ZBTB7C: variants seen among roughly 807,000 people sequenced by gnomAD.
The protein encoded by ZBTB7C is zinc finger and BTB domain containing 7C.
ZBTB7C carries 8 observed loss-of-function variants against 25.7 expected under a neutral mutation model. The ratio of observed to expected loss-of-function variants is 0.31; its 90% confidence interval spans 0.18 to 0.56. The LOEUF is 0.56. Ranked by LOEUF, ZBTB7C falls within the 20% of genes least tolerant of loss-of-function variation. The probability of loss-of-function intolerance (pLI) is 0.91; values close to 1 mark genes in which losing one functional copy is unlikely to be tolerated. For synonymous variants in ZBTB7C, 394 were observed against 369.0 expected (o/e 1.07, Z -0.78); for missense variants, 824 against 855.2 (o/e 0.96, Z 0.46).
intron 3 of ZBTB7C, among the ~76,000 whole-genome samples, chr18:48,172,222 G>A (rs1264799238): frequency 1.3e-5 from 2 of 152,210 alleles, no homozygotes; most frequent in Non-Finnish European, 2.9e-5. Context: ...GGCTAAGGAC[G>A]CATTGAGGAT....
chr18:48,205,320 A>G (rs2145220247), intron 2 of ZBTB7C, among the ~76,000 whole-genome samples: 1 of 152,200 alleles, frequency 6.6e-6, no homozygotes, highest in Middle Eastern at 3.4e-3. Flanking sequence ...ATTTTTAAAT[A>G]CAACTTACAA....
chr18:48,142,392 G>T (rs1276262066), intron 3 of ZBTB7C, among the ~76,000 whole-genome samples: 2 of 152,218 alleles, frequency 1.3e-5, no homozygotes, highest in Non-Finnish European at 2.9e-5. Context: ...CTCCGAGGGG[G>T]AGGTGTGGGC....
At chr18:48,308,639 A>G (rs934042310) in intron 2 of ZBTB7C, among the ~76,000 whole-genome samples, 4 of 152,272 alleles carry the variant, frequency 2.6e-5, no homozygotes, top group East Asian at 1.9e-4. Context: ...CCAAACTTCA[A>G]TAAGGGTTTC....
At chr18:48,134,617 A>G (rs1234011795) in intron 3 of ZBTB7C, among the ~76,000 whole-genome samples, 2 of 152,212 alleles carry the variant, frequency 1.3e-5, no homozygotes, top group Non-Finnish European at 2.9e-5. Flanking sequence ...AGGTAAGGGC[A>G]GGCGCTTGAA....
chr18:48,171,776 T>C (rs2145031877), intron 3 of ZBTB7C, among the ~76,000 whole-genome samples: 1 of 152,364 alleles, frequency 6.6e-6, no homozygotes. Context: ...CTCTGACTAC[T>C]TTATGTGGGG....
chr18:48,067,275 G>A (rs1183759455), intron 3 of ZBTB7C, among the ~76,000 whole-genome samples: 1 of 152,160 alleles, frequency 6.6e-6, no homozygotes, highest in Non-Finnish European at 1.5e-5. Context: ...TATAATCTAT[G>A]AGTCCATGAT....
At chr18:48,081,882 A>C (rs939881678) in intron 3 of ZBTB7C, among the ~76,000 whole-genome samples, 2 of 152,220 alleles carry the variant, frequency 1.3e-5, no homozygotes, top group Non-Finnish European at 2.9e-5. Context: ...AAAAAAAAAG[A>C]TAGATATAGC....
chr18:48,043,756 C>T (rs937010660), intron 3 of ZBTB7C, among the ~76,000 whole-genome samples: 2 of 152,160 alleles, frequency 1.3e-5, no homozygotes, highest in Non-Finnish European at 2.9e-5. Flanking sequence ...CATGAGATGT[C>T]TCTGTATCAT....
At chr18:48,217,046 T>A (rs2042841021) in intron 2 of ZBTB7C, among the ~76,000 whole-genome samples, 1 of 151,772 alleles carries the variant, frequency 6.6e-6, no homozygotes, top group South Asian at 2.1e-4. Flanking sequence ...AGCCAAGGAG[T>A]GCCACAGGCT....
chr18:48,185,426 T>C, intron 3 of ZBTB7C: 1 of 351,230 alleles, frequency 2.8e-6, no homozygotes, highest in Non-Finnish European at 5.6e-6. Context: ...TCTCGTGGAT[T>C]TCCCAGAGCT....
At chr18:48,308,338 C>T (rs927283133) in intron 2 of ZBTB7C, among the ~76,000 whole-genome samples, 2 of 152,208 alleles carry the variant, frequency 1.3e-5, no homozygotes, top group Non-Finnish European at 2.9e-5. Context: ...CCTCAAAGGG[C>T]GATTCTACTG....
chr18:48,390,282 G>T (rs2047869258), intron 1 of ZBTB7C, among the ~76,000 whole-genome samples: 1 of 131,044 alleles, frequency 7.6e-6, no homozygotes, highest in Non-Finnish European at 1.6e-5. Flanking sequence ...AATCAAAATG[G>T]AATCATACCC....
rs1555719352 is a variant in ZBTB7C, at chr18:48,227,033, A to AAAAAG, written c.-78-41039_-78-41038insCTTTT. Among the ~76,000 whole-genome samples the AAAAAG allele has an allele frequency of 1.6e-3, 246 of 149,740 alleles. 2 individuals carry two copies. Among genetic ancestry groups the AAAAAG allele is most frequent in the African/African-American group, 5.7e-3 (231 of 40,450 alleles). On this transcript the variant is annotated intron_variant, in intron 2 of 4. Coordinates refer to ENST00000590800, the MANE Select transcript of ZBTB7C (RefSeq NM_001318841.2). ...AGACTCCATCTCAAAAAAAAAAAAA[A>AAAAAG]AAAAAGAAAAAGAAAAAGAAAAAAA... is the stretch of plus-strand genomic sequence containing the variant.
At chr18:48,276,950 T>A (rs978552198) in intron 2 of ZBTB7C, among the ~76,000 whole-genome samples, 5 of 147,948 alleles carry the variant, frequency 3.4e-5, no homozygotes, top group African/African-American at 7.5e-5. Flanking sequence ...CTCCACATCC[T>A]CTCCAGCACC....
At chr18:48,374,587 G>A (rs1234988795) in intron 1 of ZBTB7C, among the ~76,000 whole-genome samples, 2 of 152,188 alleles carry the variant, frequency 1.3e-5, no homozygotes, top group Non-Finnish European at 2.9e-5. Flanking sequence ...CTCTTCCCCA[G>A]AAGCCTCCAC....
chr18:48,286,415 C>A (rs1016056069), intron 2 of ZBTB7C, among the ~76,000 whole-genome samples: 1 of 151,916 alleles, frequency 6.6e-6, no homozygotes, highest in Non-Finnish European at 1.5e-5. Flanking sequence ...ATCATCACAT[C>A]AATTGAAAGT....
intron 1 of ZBTB7C, among the ~76,000 whole-genome samples, chr18:48,394,936 G>A (rs971050251): frequency 6.6e-6 from 1 of 152,144 alleles, no homozygotes; most frequent in African/African-American, 2.4e-5. Flanking sequence ...CTAACTGGTC[G>A]ATTATCCCCT....
At chr18:48,073,152 G>A (rs1009608881) in intron 3 of ZBTB7C, among the ~76,000 whole-genome samples, 5 of 152,160 alleles carry the variant, frequency 3.3e-5, no homozygotes, top group African/African-American at 4.8e-5. Flanking sequence ...GCTGCACGTC[G>A]CAATTAAACT....
intron 3 of ZBTB7C, among the ~76,000 whole-genome samples, chr18:48,078,998 C>T (rs576522589): frequency 2.0e-5 from 3 of 152,266 alleles, no homozygotes; most frequent in Non-Finnish European, 2.9e-5. Context: ...TTGTGAATAG[C>T]GCTGCTGTGA....
Sources: gnomAD v4.1 joint callset for allele counts (sites outside exome capture counted in the v4.1 genomes callset) on GRCh38, gnomAD v4.1.1 for gene constraint, MANE v1.5 for transcripts, NCBI Gene and HGNC (gene_info 2026-07-23, HGNC 2026-07-21) for gene names.